Variants in GALNT2 observed in about 807,000 individuals in gnomAD.
GALNT2 encodes UDP-GalNAc:polypeptide N-acetylgalactosaminyltransferase 2.
Under a neutral mutation model 81.4 loss-of-function variants are expected in GALNT2, and 31 were observed. The observed-to-expected ratio is 0.38, with a 90% CI of 0.29 to 0.51. The LOEUF (loss-of-function observed/expected upper bound fraction) is 0.51. Ranked by LOEUF, GALNT2 falls within the 20% of genes least tolerant of loss-of-function variation. The pLI is 0.87. For synonymous variants in GALNT2, 303 were observed against 287.4 expected (o/e 1.05, Z -0.55); for missense variants, 629 against 765.7 (o/e 0.82, Z 2.11).
At chr1:230,229,382 T>C (rs1664806979) in intron 3 of GALNT2, among the ~76,000 whole-genome samples, 3 of 152,216 alleles carry the variant, frequency 2.0e-5, no homozygotes, top group South Asian at 2.1e-4. Context: ...GTTAAAATGA[T>C]GACTACTTCA....
At chr1:230,173,436 G>A (rs538688069) in intron 1 of GALNT2, among the ~76,000 whole-genome samples, 1 of 152,348 alleles carries the variant, frequency 6.6e-6, no homozygotes, top group South Asian at 2.1e-4. Context: ...CCATCTGTCT[G>A]TGGGGTAATC....
chr1:230,200,062 CTTTTTTTTT>C (rs34212427), intron 2 of GALNT2, among the ~76,000 whole-genome samples: 1 of 113,518 alleles, frequency 8.8e-6, no homozygotes, highest in South Asian at 2.9e-4. Context: ...TCTTTTTTTT[CTTTTTTTTT>C]TTTTTTTTTG....
intron 1 of GALNT2, among the ~76,000 whole-genome samples, chr1:230,068,066 G>T (rs1444829159): frequency 1.3e-5 from 2 of 152,182 alleles, no homozygotes; most frequent in Admixed American, 1.3e-4. Flanking sequence ...GTTACCCTCT[G>T]CCCAACCCGG....
intron 1 of GALNT2, among the ~76,000 whole-genome samples, chr1:230,164,529 GGGC>G (rs1448695884): frequency 1.4e-5 from 2 of 140,938 alleles, no homozygotes; most frequent in Non-Finnish European, 3.1e-5. Flanking sequence ...CACGGTCTCT[GGGC>G]CCTTTTTCTT....
intron 1 of GALNT2, among the ~76,000 whole-genome samples, chr1:230,151,384 A>G (rs1662089662): frequency 1.3e-5 from 2 of 152,232 alleles, no homozygotes; most frequent in African/African-American, 2.4e-5. Flanking sequence ...TAGTGCCTCC[A>G]GGAAGCTCAG....
chr1:230,170,227 A>T (rs1662747432), intron 1 of GALNT2, among the ~76,000 whole-genome samples: 1 of 152,056 alleles, frequency 6.6e-6, no homozygotes, highest in Non-Finnish European at 1.5e-5. Flanking sequence ...CCTATATTTT[A>T]CCTGTTCTCC....
intron 3 of GALNT2, among the ~76,000 whole-genome samples, chr1:230,234,003 G>A (rs1664946965): frequency 6.6e-6 from 1 of 152,192 alleles, no homozygotes; most frequent in African/African-American, 2.4e-5. Flanking sequence ...GCGAGGGGCA[G>A]AACTCTATTG....
Position 230,279,979 on chromosome 1 carries a change from T to C in GALNT2, c.*521T>C. On this transcript the variant is annotated 3_prime_UTR_variant, in exon 16 of 16. Coordinates refer to ENST00000366672, the MANE Select transcript of GALNT2 (RefSeq NM_004481.5). The surrounding 1 kb of genome is among the most constrained non-coding windows in gnomAD (Gnocchi z 4.6). ...CTCTCTCTGCTCCTCCATTCGCAAGTGTCTTCCTGGGCCAGACTCCCCTCC... is the reference window on the plus strand; with the variant it reads ...CTCTCTCTGCTCCTCCATTCGCAAGCGTCTTCCTGGGCCAGACTCCCCTCC... 2 of 456,248 alleles carry C rather than the reference T, an allele frequency of 4.4e-6. No individual in the cohort carries two copies. Among genetic ancestry groups the C allele is most frequent in the South Asian group, 3.1e-5 (2 of 64,566 alleles). The allele number at this position is 456,248 out of a possible 1,614,324, so 28.3% of individuals were successfully genotyped here. A position where few individuals can be genotyped will look rare whatever the true frequency, so the allele number is the denominator to read the frequency against.
chr1:230,205,907 G>A (rs1398906523), intron 3 of GALNT2, among the ~76,000 whole-genome samples: 3 of 152,080 alleles, frequency 2.0e-5, no homozygotes, highest in South Asian at 4.1e-4. Flanking sequence ...GGAGGTGCCC[G>A]GAATGTTGAT....
At chr1:230,232,279 C>G (rs1025671388) in intron 3 of GALNT2, among the ~76,000 whole-genome samples, 2 of 152,112 alleles carry the variant, frequency 1.3e-5, no homozygotes, top group Admixed American at 6.5e-5. Flanking sequence ...TGGGATCCCT[C>G]TTAAGTTTCC....
At chr1:230,269,986 G>A (rs1666127694) in intron 14 of GALNT2, among the ~76,000 whole-genome samples, 1 of 152,160 alleles carries the variant, frequency 6.6e-6, no homozygotes, top group South Asian at 2.1e-4. Context: ...TGAATCACGA[G>A]GTCTGGAGTT....
chr1:230,211,763 ACT>A (rs1372484719), intron 3 of GALNT2, among the ~76,000 whole-genome samples: 2 of 152,156 alleles, frequency 1.3e-5, no homozygotes, highest in East Asian at 1.9e-4. Context: ...ACAGAGTGAG[ACT>A]CTATCTCTAA....
chr1:230,100,055 A>G (rs1660357221), intron 1 of GALNT2, among the ~76,000 whole-genome samples: 1 of 152,242 alleles, frequency 6.6e-6, no homozygotes, highest in Admixed American at 6.5e-5. Flanking sequence ...CTTCTCACAC[A>G]GTCTGTGGTG....
chr1:230,117,778 T>C (rs1438776125), intron 1 of GALNT2, among the ~76,000 whole-genome samples: 1 of 152,216 alleles, frequency 6.6e-6, no homozygotes, highest in African/African-American at 2.4e-5. Flanking sequence ...ATGTGACATA[T>C]AGACATGAAG....
chr1:230,157,298 A>G (rs1385346643), intron 1 of GALNT2, among the ~76,000 whole-genome samples: 1 of 152,212 alleles, frequency 6.6e-6, no homozygotes, highest in African/African-American at 2.4e-5. Context: ...CTATACACCT[A>G]GGGGAGTGGC....
At position 230,279,898 on chromosome 1, in the gene GALNT2, C is replaced by T. The variant is rs745583888; in HGVS notation, c.*440C>T. 7.2e-5 allele frequency: 33 copies of T among 457,862 alleles called. No homozygotes were observed. The highest frequency in any genetic ancestry group is 2.1e-4 in the Admixed American group (9 of 42,598). 28.4% of individuals were successfully genotyped at this position (457,862 alleles called of 1,614,324 possible). On this transcript the variant is annotated 3_prime_UTR_variant, in exon 16 of 16. Transcript: ENST00000366672. This position sits in a 1 kb window ranked among gnomAD's most constrained non-coding sequence, Gnocchi z 4.6. ...TCCATTTTCAATCCCTTCGAAATCACGTATGGTTTCCACAAAGCCGAGTCG... is the reference window on the plus strand; with the variant it reads ...TCCATTTTCAATCCCTTCGAAATCATGTATGGTTTCCACAAAGCCGAGTCG...
chr1:230,095,825 C>T (rs964331993), intron 1 of GALNT2, among the ~76,000 whole-genome samples: 2 of 152,182 alleles, frequency 1.3e-5, no homozygotes, highest in Admixed American at 6.5e-5. Flanking sequence ...GGCTGCTCTG[C>T]TGGAGAAAGA....
intron 3 of GALNT2, among the ~76,000 whole-genome samples, chr1:230,222,711 G>A (rs969053748): frequency 3.9e-5 from 6 of 152,028 alleles, no homozygotes; most frequent in African/African-American, 1.5e-4. Flanking sequence ...TTTACTTTGG[G>A]CATGAGATGT....
At chr1:230,226,149 T>C (rs1430200033) in intron 3 of GALNT2, among the ~76,000 whole-genome samples, 1 of 152,210 alleles carries the variant, frequency 6.6e-6, no homozygotes, top group Non-Finnish European at 1.5e-5. Context: ...GAGGCATATA[T>C]GGACATTCTG....
Sources: gnomAD v4.1 joint callset for allele counts (sites outside exome capture counted in the v4.1 genomes callset) on GRCh38, gnomAD v4.1.1 for gene constraint, Gnocchi (gnomAD v3.1) non-coding constraint, MANE v1.5 for transcripts, NCBI Gene and HGNC (gene_info 2026-07-23, HGNC 2026-07-21) for gene names.